C2orf69: variants seen among roughly 807,000 people sequenced by gnomAD.
C2orf69 encodes the protein mitochondrial protein C2orf69.
C2orf69 carries 19 observed loss-of-function variants against 29.5 expected under a neutral mutation model. The observed-to-expected ratio is 0.65, with a 90% CI of 0.45 to 0.95. C2orf69 has a LOEUF of 0.95. Ranked by LOEUF, C2orf69 falls within the 40% of genes least tolerant of loss-of-function variation. The pLI, the probability that C2orf69 is intolerant of heterozygous loss-of-function variation, is 0.00. For synonymous variants in C2orf69, 194 were observed against 180.0 expected, an observed-to-expected ratio of 1.08 and a Z score of -0.62; for missense variants, 416 against 482.1, an observed-to-expected ratio of 0.86 and a Z score of 1.28.
rs1165230982 is a variant in C2orf69, at chr2:199,911,638, G to T, written c.200G>T (p.Arg67Leu). Reference sequence around the variant, plus strand: ...ACCGTGCCTGGAGCCGATCCGCAGCGCAGCAACGAATTGCTCCTGTTGGCG... The same window carrying T: ...ACCGTGCCTGGAGCCGATCCGCAGCTCAGCAACGAATTGCTCCTGTTGGCG... ...LSTVPGADPQ[R>L]SNELLLLAAA... The change falls in exon 1 of 2, where the codon CGC (arginine) becomes CTC (leucine). Residue 67 changes from arginine to leucine, a missense_variant. Transcript: ENST00000319974. 2.6e-6 allele frequency: 4 copies of T among 1,549,248 alleles called. No individual in the cohort carries two copies. The highest frequency in any genetic ancestry group is 3.5e-6 in the Non-Finnish European group (4 of 1,146,576).
intron 1 of C2orf69, among the ~76,000 whole-genome samples, chr2:199,916,524 C>T (rs928120822): frequency 1.3e-5 from 2 of 152,208 alleles, no homozygotes; most frequent in Non-Finnish European, 2.9e-5. Context: ...CAAGGCAAGT[C>T]CCTTCCACCT....
At position 199,925,885 on chromosome 2, in the gene C2orf69, G is replaced by A. The variant is rs1300528985; in HGVS notation, c.1157G>A (p.Ter386=). ...CACTTCAGGGTTCATGAAGTATTTT[G>A]AGATTACAGGTATATTAATGAACTT... is the stretch of plus-strand genomic sequence containing the variant. The part of the protein sequence containing the change: ...ENHFRVHEVF[*] The change falls in exon 2 of 2, where the codon TGA becomes TAA. Residue 386 remains the stop codon, a stop_retained_variant. Transcript: ENST00000319974. The surrounding 1 kb of genome is among the most constrained non-coding windows in gnomAD (Gnocchi z 4.9). 1 of 1,590,232 alleles carries A rather than the reference G, an allele frequency of 6.3e-7. No homozygotes were observed. The highest frequency in any genetic ancestry group is 1.7e-5 in the Admixed American group (1 of 59,054).
At chr2:199,912,156 G>A (rs950244991) in intron 1 of C2orf69, among the ~76,000 whole-genome samples, 30 of 152,174 alleles carry the variant, frequency 2.0e-4, no homozygotes, top group Non-Finnish European at 5.9e-5. Context: ...TTCAAATTAA[G>A]TTAGCACGTA....
At chr2:199,917,073 G>A (rs1378991927) in intron 1 of C2orf69, among the ~76,000 whole-genome samples, 3 of 152,156 alleles carry the variant, frequency 2.0e-5, no homozygotes, top group Non-Finnish European at 4.4e-5. Flanking sequence ...GCACCCACAG[G>A]CCCAACATCA....
chr2:199,913,352 T>C (rs1329546528), intron 1 of C2orf69, among the ~76,000 whole-genome samples: 4 of 78,504 alleles, frequency 5.1e-5, no homozygotes, highest in African/African-American at 1.1e-4. Flanking sequence ...ATATATATTA[T>C]ATATAATATA....
Position 199,911,689 on chromosome 2 carries a change from A to C in C2orf69, c.251A>C (p.Gln84Pro). The change falls in exon 1 of 2, where the codon CAG becomes CCG. Residue 84 changes from glutamine to proline, a missense_variant. This residue lies in a region of C2orf69 where 175 missense variants were observed against 139.9 expected (regional missense o/e 1.25). Coordinates refer to ENST00000319974, the MANE Select transcript of C2orf69 (RefSeq NM_153689.6). The stretch of plus-strand genomic sequence containing the variant: ...GCGGCCGGGGAGGGACTGGAGCGGC[A>C]GGACCTCCCCGGGGACCCAGCGAAG... The part of the protein sequence containing the change: ...LAAAGEGLER[Q>P]DLPGDPAKEE... The C allele has an allele frequency of 2.6e-6, 4 of 1,546,916 alleles. No homozygotes were observed. The highest frequency in any genetic ancestry group is 3.5e-6 in the Non-Finnish European group (4 of 1,146,856).
chr2:199,913,583 T>A (rs770207099), intron 1 of C2orf69, among the ~76,000 whole-genome samples: 24 of 137,200 alleles, frequency 1.7e-4, no homozygotes, highest in Non-Finnish European at 3.0e-4. Flanking sequence ...TATTATTTTC[T>A]TTTGCCCTCA....
chr2:199,922,388 C>A (rs968733532), intron 1 of C2orf69, among the ~76,000 whole-genome samples: 3 of 152,108 alleles, frequency 2.0e-5, no homozygotes, highest in Non-Finnish European at 2.9e-5. Context: ...ACCGCCGCCC[C>A]CAGCCTCAGG....
rs1288796157 is a variant in C2orf69, at chr2:199,927,600, G to A, written c.*1714G>A. ...TTTTTTAAAGACAAAGTAGTATTAT[G>A]TTGCTTCAGTTTCTTTAAATACCTC... is the stretch of plus-strand genomic sequence containing the variant. On this transcript the variant is annotated 3_prime_UTR_variant, in exon 2 of 2. Coordinates refer to ENST00000319974, the MANE Select transcript of C2orf69 (RefSeq NM_153689.6). 1.4e-5 allele frequency: 2 copies of A among 142,096 alleles called. No homozygotes were observed. Among genetic ancestry groups the A allele is most frequent in the African/African-American group, 2.6e-5 (1 of 38,452 alleles). The allele number at this position is 142,096 out of a possible 1,614,324, so 8.8% of individuals were successfully genotyped here.
intron 1 of C2orf69, among the ~76,000 whole-genome samples, chr2:199,923,854 T>C (rs1010232846): frequency 3.3e-5 from 5 of 152,072 alleles, no homozygotes; most frequent in Non-Finnish European, 5.9e-5. Context: ...ATTTGTGGAG[T>C]TGTTTATTGT....
intron 1 of C2orf69, among the ~76,000 whole-genome samples, chr2:199,915,335 C>CT (rs2077289043): frequency 6.6e-6 from 1 of 152,090 alleles, no homozygotes; most frequent in Non-Finnish European, 1.5e-5. Flanking sequence ...TTGCCCACTC[C>CT]TGTGTTCAAG....
At chr2:199,917,603 G>C (rs578065797) in intron 1 of C2orf69, among the ~76,000 whole-genome samples, 1 of 152,210 alleles carries the variant, frequency 6.6e-6, no homozygotes, top group South Asian at 2.1e-4. Flanking sequence ...TATTATCTCT[G>C]TCTGAGACCA....
chr2:199,913,984 G>A (rs752688371), intron 1 of C2orf69, among the ~76,000 whole-genome samples: 3 of 152,146 alleles, frequency 2.0e-5, no homozygotes, highest in Non-Finnish European at 4.4e-5. Flanking sequence ...AAAGTCCCTG[G>A]ACAATTGTTA....
Position 199,911,627 on chromosome 2 carries a change from C to G in C2orf69, c.189C>G (p.Ala63=), listed in dbSNP as rs1253793381. Residue 63 remains alanine, a synonymous_variant, in exon 1 of 2, where the codon GCC becomes GCG. Coordinates refer to ENST00000319974, the MANE Select transcript of C2orf69 (RefSeq NM_153689.6). ...QCLQLSTVPG[A]DPQRSNELLL... ...TGCAGCTTTCCACCGTGCCTGGAGC[C>G]GATCCGCAGCGCAGCAACGAATTGC... is the stretch of plus-strand genomic sequence containing the variant. The G allele has an allele frequency of 2.6e-5, 41 of 1,549,552 alleles. No homozygotes were observed. The highest frequency in any genetic ancestry group is 3.5e-5 in the Non-Finnish European group (40 of 1,146,584).
In C2orf69 at chr2:199,911,376, G is replaced by C; in HGVS notation, c.-63G>C. 7.2e-7 allele frequency: 1 copy of C among 1,395,972 alleles called. No individual in the cohort carries two copies. The highest frequency in any genetic ancestry group is 1.5e-5 in the African/African-American group (1 of 65,406). 86.5% of individuals were successfully genotyped at this position (1,395,972 alleles called of 1,614,324 possible). ...GCCGCCGGCTGAGCCGCCTGCTGAA[G>C]TCCCTCCCTCAGGAACCCCTCCGCC... On this transcript the variant is annotated 5_prime_UTR_variant, in exon 1 of 2. Coordinates refer to ENST00000319974, the MANE Select transcript of C2orf69 (RefSeq NM_153689.6).
In C2orf69 at chr2:199,925,014, T is replaced by G. The variant is rs534813908; in HGVS notation, c.334-48T>G. 31 of 1,139,836 alleles carry G rather than the reference T, an allele frequency of 2.7e-5. No individual in the cohort carries two copies. In the East Asian group the frequency reaches 3.9e-4, roughly 14 times the overall value. The allele number at this position is 1,139,836 out of a possible 1,614,324, so 70.6% of individuals were successfully genotyped here. A position where few individuals can be genotyped will look rare whatever the true frequency, so the allele number is the denominator to read the frequency against. On this transcript the variant is annotated intron_variant, in intron 1 of 1. Coordinates refer to ENST00000319974, the MANE Select transcript of C2orf69 (RefSeq NM_153689.6). The surrounding 1 kb of genome is among the most constrained non-coding windows in gnomAD (Gnocchi z 4.9). Reference sequence around the variant, plus strand: ...GGAAACTTATTTTGTGGAAATCATTTTATGTAAATATGTATTTAATACTTA... The same window carrying G: ...GGAAACTTATTTTGTGGAAATCATTGTATGTAAATATGTATTTAATACTTA...
At chr2:199,913,206 TAA>T (rs1491361720) in intron 1 of C2orf69, among the ~76,000 whole-genome samples, 1 of 95,720 alleles carries the variant, frequency 1.0e-5, no homozygotes, top group Non-Finnish European at 1.9e-5. Flanking sequence ...ATATAATATA[TAA>T]TATATTATAT....
intron 1 of C2orf69, among the ~76,000 whole-genome samples, chr2:199,914,790 A>C (rs1432041852): frequency 6.6e-6 from 1 of 152,120 alleles, no homozygotes; most frequent in Non-Finnish European, 1.5e-5. Flanking sequence ...CAAGTAGATG[A>C]CTTGTAGGTT....
chr2:199,926,131 A>C lies in C2orf69; in HGVS notation c.*245A>C, dbSNP rs1287723861. On this transcript the variant is annotated 3_prime_UTR_variant, in exon 2 of 2. Coordinates refer to ENST00000319974, the MANE Select transcript of C2orf69 (RefSeq NM_153689.6). ...AAATCTAACAAGGTGGTTTGTAATA[A>C]TGCTGAGGAGATATAAGACCCTTAA... is the stretch of plus-strand genomic sequence containing the variant. 4.6e-6 allele frequency: 2 copies of C among 432,538 alleles called. No individual in the cohort carries two copies. Among genetic ancestry groups the C allele is most frequent in the Admixed American group, 3.7e-5 (1 of 27,226 alleles). 26.8% of individuals were successfully genotyped at this position (432,538 alleles called of 1,614,324 possible). A position where few individuals can be genotyped will look rare whatever the true frequency, so the allele number is the denominator to read the frequency against.
Sources: gnomAD v4.1 joint callset for allele counts (sites outside exome capture counted in the v4.1 genomes callset) on GRCh38, gnomAD v4.1.1 for gene constraint, gnomAD v4.1.1 regional missense constraint, Gnocchi (gnomAD v3.1) non-coding constraint, MANE v1.5 for transcripts, NCBI Gene and HGNC (gene_info 2026-07-23, HGNC 2026-07-21) for gene names.